The following PAPOLA variants were observed in gnomAD, a reference collection of about 807,000 sequenced individuals.
PAPOLA encodes polynucleotide adenylyltransferase alpha.
A neutral mutation model predicts 100.6 loss-of-function variants in PAPOLA; 15 were observed. The ratio of observed to expected loss-of-function variants is 0.15; its 90% CI spans 0.10 to 0.23. PAPOLA has a LOEUF of 0.23. PAPOLA is among the 10% of genes least tolerant of loss of function. PAPOLA has a pLI of 1.00. For synonymous variants in PAPOLA, 293 were observed against 300.0 expected (o/e 0.98, Z 0.24); for missense variants, 533 against 884.2 (o/e 0.60, Z 5.04).
At chr14:96,562,945 G>A in intron 21 of PAPOLA, 52 bp downstream of exon 21, 1 of 1,019,592 alleles carries the variant, frequency 9.8e-7, no homozygotes, top group Non-Finnish European at 1.5e-6. Flanking sequence ...TAAGATTAGT[G>A]TGGTATATTG....
intron 12 of PAPOLA, among the ~76,000 whole-genome samples, chr14:96,539,626 G>A (rs763643415): frequency 6.6e-6 from 1 of 152,064 alleles, no homozygotes; most frequent in Non-Finnish European, 1.5e-5. Flanking sequence ...AATGGCAATT[G>A]CATCAAGACT....
chr14:96,560,852 TG>T, intron 20 of PAPOLA, 141 bp downstream of exon 20: 1 of 578,482 alleles, frequency 1.7e-6, no homozygotes, highest in South Asian at 2.6e-5. Context: ...TATGTAATGC[TG>T]AACACTGAAG....
In PAPOLA at chr14:96,502,617, CTG is replaced by C. The variant is rs753239260; in HGVS notation, c.8+19_8+20del. 16 of 1,575,500 alleles carry C rather than the reference CTG, an allele frequency of 1.0e-5. No individual in the cohort carries two copies. Among genetic ancestry groups the C allele is most frequent in the Admixed American group, 5.4e-5 (3 of 55,524 alleles). ...GATGCCGTTGTAAGTAATTTGTATT[CTG>C]TTTTCTTTCGCTCGCCGGCTGGGCC... On this transcript the variant is annotated intron_variant, in intron 1 of 21. Coordinates refer to ENST00000216277, the MANE Select transcript of PAPOLA (RefSeq NM_032632.5).
chr14:96,535,068 C>A (rs191107711), intron 10 of PAPOLA: 1 of 981,936 alleles, frequency 1.0e-6, no homozygotes, highest in Admixed American at 6.1e-5. Flanking sequence ...CATGGTTGGG[C>A]TAAAGAAGAC....
chr14:96,557,711 T>C (rs1901469516), intron 19 of PAPOLA, among the ~76,000 whole-genome samples: 2 of 151,812 alleles, frequency 1.3e-5, no homozygotes, highest in Non-Finnish European at 2.9e-5. Flanking sequence ...TTTATTATTT[T>C]ATTATTTAGC....
intron 1 of PAPOLA, among the ~76,000 whole-genome samples, chr14:96,518,432 G>A (rs910270270): frequency 1.3e-5 from 2 of 149,988 alleles, no homozygotes; most frequent in African/African-American, 2.5e-5. Flanking sequence ...TTTTTGAGAC[G>A]GAGTCTCGCT....
Position 96,531,556 on chromosome 14 carries a change from T to G in PAPOLA, c.577T>G (p.Leu193Val). The G allele has an allele frequency of 6.2e-7, 1 of 1,608,738 alleles. No individual in the cohort carries two copies. The highest frequency in any genetic ancestry group is 8.5e-7 in the Non-Finnish European group (1 of 1,176,288). The change falls in exon 7 of 22, where the codon TTA becomes GTA. Residue 193 changes from leucine to valine, a missense_variant. This residue lies in a region of PAPOLA where 33 missense variants were observed against 39.2 expected (regional missense o/e 0.84). Transcript: ENST00000216277. ...ACGAGATGACAGTCTGCTAAAAAAT[T>G]TAGATATAAGATGTATAAGAAGTCT... ...DLRDDSLLKN[L>V]DIRCIRSLNG... is the part of the protein sequence containing the mutation.
intron 6 of PAPOLA, among the ~76,000 whole-genome samples, chr14:96,528,908 A>G (rs187200879): frequency 4.0e-4 from 61 of 152,324 alleles, no homozygotes; most frequent in African/African-American, 1.3e-3. Flanking sequence ...ATTTACTGTC[A>G]GTGTTTTAAG....
chr14:96,564,513 T>C (rs1422509685), intron 21 of PAPOLA, among the ~76,000 whole-genome samples: 1 of 152,106 alleles, frequency 6.6e-6, no homozygotes, highest in Non-Finnish European at 1.5e-5. Flanking sequence ...TAATTTACAG[T>C]GTCAGAAAAT....
chr14:96,533,778 C>T, intron 9 of PAPOLA: 1 of 472,028 alleles, frequency 2.1e-6, no homozygotes, highest in Non-Finnish European at 2.8e-6. Context: ...TGGTCTCGAT[C>T]TCCTGACCTC....
intron 21 of PAPOLA, 101 bp from the exon 22 acceptor site, chr14:96,564,851 TTTC>T: frequency 1.5e-6 from 1 of 669,394 alleles, no homozygotes; most frequent in Admixed American, 2.2e-5. Context: ...TTGTAATACT[TTTC>T]TTCTTAGAAG....
At chr14:96,548,475 T>G (rs1294959007) in intron 16 of PAPOLA, among the ~76,000 whole-genome samples, 1 of 152,158 alleles carries the variant, frequency 6.6e-6, no homozygotes, top group African/African-American at 2.4e-5. Context: ...TTTTTCCTTA[T>G]TTGGACTTTA....
chr14:96,536,120 A>G (rs1022771793), intron 11 of PAPOLA, 121 bp downstream of exon 11: 9 of 672,770 alleles, frequency 1.3e-5, no homozygotes, highest in African/African-American at 1.3e-4. Flanking sequence ...TTTGGTGTTC[A>G]TTTATTTATT....
intron 17 of PAPOLA, among the ~76,000 whole-genome samples, chr14:96,554,840 C>CT (rs1021918547): frequency 4.6e-5 from 7 of 151,920 alleles, no homozygotes; most frequent in African/African-American, 1.7e-4. Flanking sequence ...ATAGATTGGG[C>CT]TTTTTTATAT....
intron 17 of PAPOLA, among the ~76,000 whole-genome samples, chr14:96,553,934 A>G (rs1451977636): frequency 6.6e-6 from 1 of 152,170 alleles, no homozygotes; most frequent in Non-Finnish European, 1.5e-5. Flanking sequence ...CTTCATGTGT[A>G]TATGTTTTTA....
At chr14:96,530,152 G>A (rs985400459) in intron 6 of PAPOLA, among the ~76,000 whole-genome samples, 4 of 152,068 alleles carry the variant, frequency 2.6e-5, no homozygotes, top group Admixed American at 2.6e-4. Context: ...CTGAATATAA[G>A]GCTATTTGCC....
chr14:96,557,106 A>G (rs1316770180), intron 19 of PAPOLA, among the ~76,000 whole-genome samples: 1 of 152,030 alleles, frequency 6.6e-6, no homozygotes, highest in Non-Finnish European at 1.5e-5. Context: ...AGTGCAGTGG[A>G]GCAATCTCAG....
chr14:96,544,348 G>A, intron 15 of PAPOLA, 90 bp downstream of exon 15: 1 of 661,020 alleles, frequency 1.5e-6, no homozygotes, highest in Non-Finnish European at 2.7e-6. Flanking sequence ...TACAATAATT[G>A]TTGAAATTAC....
chr14:96,503,278 A>G (rs1896456873), intron 1 of PAPOLA, among the ~76,000 whole-genome samples: 1 of 152,114 alleles, frequency 6.6e-6, no homozygotes, highest in South Asian at 2.1e-4. Flanking sequence ...CGACTTATGT[A>G]TTGCTTTCCC....
Sources: gnomAD v4.1 joint callset for allele counts (sites outside exome capture counted in the v4.1 genomes callset) on GRCh38, gnomAD v4.1.1 for gene constraint, gnomAD v4.1.1 regional missense constraint, MANE v1.5 for transcripts, NCBI Gene and HGNC (gene_info 2026-07-23, HGNC 2026-07-21) for gene names.